The following STAB2 variants were observed in gnomAD, a reference collection of about 807,000 sequenced individuals.
STAB2 encodes stabilin-2.
STAB2 carries 288 observed loss-of-function variants against 338.1 expected under a neutral mutation model. The observed-to-expected ratio is 0.85, with a 90% CI of 0.77 to 0.94. STAB2 has a LOEUF of 0.94. Among genes scored for constraint, STAB2 ranks in the 40% least tolerant of loss-of-function variants. STAB2 has a pLI of 0.00. For missense variants in STAB2, 3,141 were observed against 3,210.1 expected (o/e 0.98, Z 0.52); for synonymous variants, 1,202 against 1,193.3 (o/e 1.01, Z -0.15).
intron 5 of STAB2, among the ~76,000 whole-genome samples, chr12:103,629,886 T>C (rs556317691): frequency 6.6e-6 from 1 of 152,348 alleles, no homozygotes; most frequent in Admixed American, 6.5e-5. Context: ...GAACATAATA[T>C]GTATTCCATA....
At position 103,662,834 on chromosome 12, in the gene STAB2, T is replaced by A; in HGVS notation, c.1870-12T>A. ...ATAGTACAGAATTAGAGATGTCATTTTTTCTTTCCAGGGACAGATTCTGGC... is the reference window on the plus strand; with the variant it reads ...ATAGTACAGAATTAGAGATGTCATTATTTCTTTCCAGGGACAGATTCTGGC... On this transcript the variant is annotated splice_polypyrimidine_tract_variant and intron_variant, in intron 17 of 68. Transcript: ENST00000388887. 1 of 1,613,970 alleles carries A rather than the reference T, an allele frequency of 6.2e-7. No homozygotes were observed. Among genetic ancestry groups the A allele is most frequent in the Non-Finnish European group, 8.5e-7 (1 of 1,179,952 alleles).
intron 3 of STAB2, among the ~76,000 whole-genome samples, chr12:103,599,462 A>C (rs1000987975): frequency 1.3e-5 from 2 of 152,182 alleles, no homozygotes; most frequent in African/African-American, 2.4e-5. Flanking sequence ...TGCAGACTCC[A>C]GAGTCAGATT....
intron 5 of STAB2, among the ~76,000 whole-genome samples, chr12:103,627,946 A>G (rs1219525249): frequency 6.6e-6 from 1 of 152,212 alleles, no homozygotes; most frequent in Non-Finnish European, 1.5e-5. Context: ...TTGTATACCT[A>G]GTGCCTAATA....
At chr12:103,691,590 A>G (rs1877943151) in intron 30 of STAB2, among the ~76,000 whole-genome samples, 1 of 152,210 alleles carries the variant, frequency 6.6e-6, no homozygotes, top group African/African-American at 2.4e-5. Flanking sequence ...GGTGTTTTAA[A>G]TCATTGATTA....
intron 3 of STAB2, among the ~76,000 whole-genome samples, chr12:103,599,522 C>A (rs1455587257): frequency 6.6e-6 from 1 of 152,178 alleles, no homozygotes; most frequent in Non-Finnish European, 1.5e-5. Flanking sequence ...GAGACTTACT[C>A]CCTCTGCAGG....
chr12:103,594,522 A>T lies in STAB2; in HGVS notation c.331+12A>T, dbSNP rs1298388654. On this transcript the variant is annotated intron_variant, in intron 3 of 68. Coordinates refer to ENST00000388887, the MANE Select transcript of STAB2 (RefSeq NM_017564.10). The stretch of plus-strand genomic sequence containing the variant: ...CCCAGACTGTATAGGTAAGTGGCAC[A>T]ATGCTTGGACTTTGAGACTTGCTTC... 1.3e-6 allele frequency: 2 copies of T among 1,598,874 alleles called. No individual in the cohort carries two copies. The highest frequency in any genetic ancestry group is 1.7e-5 in the Admixed American group (1 of 59,940).
chr12:103,591,496 TA>T (rs547512656), intron 2 of STAB2, among the ~76,000 whole-genome samples: 16 of 152,092 alleles, frequency 1.1e-4, no homozygotes, highest in Non-Finnish European at 2.1e-4. Flanking sequence ...AAAAATAAAA[TA>T]TATATTGTTA....
rs1056793174 is a variant in STAB2, at chr12:103,683,089, C to T, written c.2806-116C>T. On this transcript the variant is annotated intron_variant, in intron 25 of 68. Transcript: ENST00000388887. ...AAGCAAAAGGCATTAACACTGTTCTCTGGGACAGCCAAGCAGCTTCAGTTT... is the reference window on the plus strand; with the variant it reads ...AAGCAAAAGGCATTAACACTGTTCTTTGGGACAGCCAAGCAGCTTCAGTTT... The T allele has an allele frequency of 5.1e-6, 4 of 788,848 alleles. No homozygotes were observed. The African/African-American group carries it at 7.0e-5, about 14-fold the overall frequency. The allele number at this position is 788,848 out of a possible 1,614,324, so 48.9% of individuals were successfully genotyped here. A position where few individuals can be genotyped will look rare whatever the true frequency, so the allele number is the denominator to read the frequency against.
intron 39 of STAB2, among the ~76,000 whole-genome samples, chr12:103,709,875 TCTC>T (rs1299432708): frequency 5.3e-5 from 8 of 152,058 alleles, no homozygotes; most frequent in African/African-American, 1.7e-4. Context: ...CAATAGGCTC[TCTC>T]CTCTTCTTGC....
intron 50 of STAB2, 64 bp downstream of exon 50, chr12:103,731,699 TTTG>T: frequency 6.6e-7 from 1 of 1,526,538 alleles, no homozygotes; most frequent in Non-Finnish European, 9.0e-7. Context: ...TTTTGTTTGT[TTTG>T]TTGTTGTTTC....
chr12:103,607,874 T>G (rs1405837526), intron 3 of STAB2, among the ~76,000 whole-genome samples: 23 of 152,346 alleles, frequency 1.5e-4, no homozygotes, highest in Admixed American at 1.5e-3. Context: ...TATAGCAGCA[T>G]GATTTATAAT....
In STAB2 at chr12:103,631,693, C is replaced by T. The variant is rs373747845; in HGVS notation, c.583C>T (p.Pro195Ser). ...GTACACTGGCCCCAAGTGTGACAAG[C>T]GTAAGTACTGCTAGTTCCCTTAATG... ...SAYTGPKCDK[P>S]IPECAALLCP... Residue 195 changes from proline (P) to serine (S), a missense_variant and splice_region_variant, in exon 6 of 69, where the codon CCC (proline) becomes TCC (serine). Pro to Ser is a moderately conservative substitution (Grantham distance 74). Transcript: ENST00000388887. The T allele has an allele frequency of 1.5e-5, 25 of 1,613,846 alleles. No homozygotes were observed. Among genetic ancestry groups the T allele is most frequent in the Non-Finnish European group, 2.0e-5 (24 of 1,179,864 alleles).
At chr12:103,624,110 A>G (rs1957344918) in intron 5 of STAB2, among the ~76,000 whole-genome samples, 1 of 152,240 alleles carries the variant, frequency 6.6e-6, no homozygotes, top group South Asian at 2.1e-4. Flanking sequence ...CTATGCACAC[A>G]CAACACATCC....
chr12:103,612,161 T>C (rs1422987965), intron 3 of STAB2, among the ~76,000 whole-genome samples: 1 of 152,202 alleles, frequency 6.6e-6, no homozygotes, highest in African/African-American at 2.4e-5. Context: ...CAATTATGTG[T>C]CTTGGAGTTG....
chr12:103,617,608 C>T (rs1220808460), intron 3 of STAB2, among the ~76,000 whole-genome samples: 1 of 152,206 alleles, frequency 6.6e-6, no homozygotes, highest in Non-Finnish European at 1.5e-5. Context: ...CCAGCTCCTC[C>T]CATGACACAA....
At position 103,640,226 on chromosome 12, in the gene STAB2, A is replaced by G; in HGVS notation, c.1010A>G (p.Asn337Ser). Residue 337 changes from asparagine (N) to serine (S), a missense_variant, in exon 9 of 69, where the codon AAT (asparagine) becomes AGT (serine). Physicochemically the swap from Asn to Ser is conservative, Grantham distance 46. Transcript: ENST00000388887. The stretch of plus-strand genomic sequence containing the variant: ...GATAACCCGTGTCATAGGAATGCAA[A>G]TTGCACCACCGTCGCACCAGGCCGA... The part of the protein sequence containing the change: ...KSDNPCHRNA[N>S]CTTVAPGRTE... 6.2e-7 allele frequency: 1 copy of G among 1,613,636 alleles called. No homozygotes were observed. The highest frequency in any genetic ancestry group is 8.5e-7 in the Non-Finnish European group (1 of 1,179,704).
At chr12:103,734,117 A>G (rs927087160) in intron 51 of STAB2, among the ~76,000 whole-genome samples, 1 of 146,738 alleles carries the variant, frequency 6.8e-6, no homozygotes, top group Non-Finnish European at 1.5e-5. Flanking sequence ...AGCAAGCACG[A>G]TCATATAGGA....
At position 103,745,037 on chromosome 12, in the gene STAB2, T is replaced by A. The variant is rs1882908301; in HGVS notation, c.6032-136T>A. The stretch of plus-strand genomic sequence containing the variant: ...CTGAATAAGTTATTTTTTAGATGTT[T>A]CAATGAATGAATGAATGACTGTGAC... On this transcript the variant is annotated intron_variant, in intron 56 of 68. Transcript: ENST00000388887. The A allele has an allele frequency of 4.3e-6, 3 of 691,166 alleles. No individual in the cohort carries two copies. The South Asian group carries it at 6.1e-5, about 14-fold the overall frequency. 42.8% of individuals were successfully genotyped at this position (691,166 alleles called of 1,614,324 possible).
Position 103,587,426 on chromosome 12 carries a change from C to A in STAB2, c.-51C>A. On this transcript the variant is annotated 5_prime_UTR_variant, in exon 1 of 69. Coordinates refer to ENST00000388887, the MANE Select transcript of STAB2 (RefSeq NM_017564.10). ...AGTTTATCAAACTAAGTTAAAATAG[C>A]TAAGTCAGCCTGACAGGTGCTTGGC... 1 of 1,457,000 alleles carries A rather than the reference C, an allele frequency of 6.9e-7. No homozygotes were observed. The highest frequency in any genetic ancestry group is 9.5e-7 in the Non-Finnish European group (1 of 1,047,438). 90.3% of individuals were successfully genotyped at this position (1,457,000 alleles called of 1,614,324 possible).
Sources: gnomAD v4.1 joint callset for allele counts (sites outside exome capture counted in the v4.1 genomes callset) on GRCh38, gnomAD v4.1.1 for gene constraint, MANE v1.5 for transcripts, NCBI Gene and HGNC (gene_info 2026-07-23, HGNC 2026-07-21) for gene names.